The following SMARCC1 variants were observed in gnomAD, a reference collection of about 807,000 sequenced individuals.
SMARCC1 encodes the protein SWI/SNF related BAF chromatin remodeling complex subunit C1.
In SMARCC1, 43 loss-of-function variants were observed where a neutral mutation model predicts 147.4. The ratio of observed to expected loss-of-function variants is 0.29; its 90% confidence interval spans 0.23 to 0.38. The LOEUF is 0.38. SMARCC1 is among the 10% of genes least tolerant of loss of function. The pLI is 1.00. For missense variants in SMARCC1, 1,119 were observed against 1,381.1 expected, an observed-to-expected ratio of 0.81 and a Z score of 3.01; for synonymous variants, 495 against 484.4, an observed-to-expected ratio of 1.02 and a Z score of -0.29.
intron 10 of SMARCC1, among the ~76,000 whole-genome samples, chr3:47,703,575 G>GA (rs2033952741): frequency 6.6e-6 from 1 of 151,988 alleles, no homozygotes; most frequent in African/African-American, 2.4e-5. Flanking sequence ...TATAAGAAAA[G>GA]AAAAACACAC....
intron 1 of SMARCC1, among the ~76,000 whole-genome samples, chr3:47,776,940 A>G (rs753285981): frequency 2.6e-5 from 4 of 151,732 alleles, no homozygotes; most frequent in Non-Finnish European, 5.9e-5. Context: ...ACATCTGGCT[A>G]ATTTTGTATT....
At chr3:47,778,351 C>G (rs1283159637) in intron 1 of SMARCC1, among the ~76,000 whole-genome samples, 1 of 151,570 alleles carries the variant, frequency 6.6e-6, no homozygotes, top group African/African-American at 2.4e-5. Flanking sequence ...CTCTGTTGCC[C>G]AGGCTGGAGT....
At chr3:47,687,444 A>G (rs1295166221) in intron 13 of SMARCC1, among the ~76,000 whole-genome samples, 1 of 152,230 alleles carries the variant, frequency 6.6e-6, no homozygotes, top group Non-Finnish European at 1.5e-5. Flanking sequence ...AGTTTTAATG[A>G]CTTCAATCAG....
intron 6 of SMARCC1, among the ~76,000 whole-genome samples, chr3:47,727,760 C>T (rs2034317501): frequency 6.6e-6 from 1 of 150,552 alleles, no homozygotes; most frequent in African/African-American, 2.4e-5. Flanking sequence ...GGATTACAGA[C>T]ACCTGCCACC....
intron 26 of SMARCC1, among the ~76,000 whole-genome samples, chr3:47,594,421 T>G (rs1450893250): frequency 2.0e-5 from 3 of 152,204 alleles, no homozygotes; most frequent in Non-Finnish European, 4.4e-5. Context: ...ACACTGCGAC[T>G]AGGACCAACT....
chr3:47,690,963 G>A (rs1457849007), intron 12 of SMARCC1, among the ~76,000 whole-genome samples: 15 of 152,150 alleles, frequency 9.9e-5, no homozygotes, highest in Non-Finnish European at 1.5e-5. Flanking sequence ...TGGTCCGTTG[G>A]ACAATGGTAA....
intron 18 of SMARCC1, among the ~76,000 whole-genome samples, chr3:47,672,300 C>T (rs902692290): frequency 4.6e-5 from 7 of 151,940 alleles, no homozygotes; most frequent in Non-Finnish European, 1.0e-4. Flanking sequence ...CCGCAAGCTC[C>T]GCCTCCCGGG....
chr3:47,599,319 G>A (rs772524575), intron 26 of SMARCC1, among the ~76,000 whole-genome samples: 2 of 152,172 alleles, frequency 1.3e-5, no homozygotes, highest in Non-Finnish European at 2.9e-5. Flanking sequence ...GGAGGTAGAG[G>A]TTAGAGTGAG....
intron 3 of SMARCC1, among the ~76,000 whole-genome samples, chr3:47,740,665 C>A (rs970124020): frequency 3.9e-5 from 6 of 151,904 alleles, no homozygotes; most frequent in African/African-American, 1.5e-4. Flanking sequence ...ATCCTGTGCA[C>A]AATGCTGATA....
chr3:47,641,768 A>G (rs1427707250), intron 21 of SMARCC1, among the ~76,000 whole-genome samples: 1 of 152,212 alleles, frequency 6.6e-6, no homozygotes, highest in African/African-American at 2.4e-5. Flanking sequence ...ATCACTTTTT[A>G]AAAATTACTT....
chr3:47,732,729 A>G (rs2034390114), intron 5 of SMARCC1, among the ~76,000 whole-genome samples: 1 of 152,330 alleles, frequency 6.6e-6, no homozygotes, highest in Non-Finnish European at 1.5e-5. Context: ...TAACTTCACC[A>G]TCTTCTATGG....
chr3:47,601,985 C>A (rs1378650295), intron 26 of SMARCC1, among the ~76,000 whole-genome samples: 1 of 152,122 alleles, frequency 6.6e-6, no homozygotes, highest in Non-Finnish European at 1.5e-5. Flanking sequence ...CAGGCATGAG[C>A]CACCATGCCC....
intron 9 of SMARCC1, among the ~76,000 whole-genome samples, chr3:47,708,899 G>A (rs1405232192): frequency 2.0e-5 from 3 of 152,116 alleles, no homozygotes; most frequent in Admixed American, 6.6e-5. Context: ...CTCGGCCTCC[G>A]AAAGTGCTGG....
At position 47,587,528 on chromosome 3, in the gene SMARCC1, TG is replaced by T. The variant is rs2032091286; in HGVS notation, c.*680del. On this transcript the variant is annotated 3_prime_UTR_variant, in exon 28 of 28. Transcript: ENST00000254480. ...TCTAGCACATACTAGTTCAGTGGTA[TG>T]TTCTGCCAGGCAGTGTGGAGGCCCT... 1 of 152,676 alleles carries T rather than the reference TG, an allele frequency of 6.5e-6. No homozygotes were observed. The highest frequency in any genetic ancestry group is 1.5e-5 in the Non-Finnish European group (1 of 68,102). The allele number at this position is 152,676 out of a possible 1,614,324, so 9.5% of individuals were successfully genotyped here. A position where few individuals can be genotyped will look rare whatever the true frequency, so the allele number is the denominator to read the frequency against.
At chr3:47,705,035 G>C (rs936992339) in intron 10 of SMARCC1, among the ~76,000 whole-genome samples, 35 of 149,660 alleles carry the variant, frequency 2.3e-4, no homozygotes, top group African/African-American at 7.3e-4. Context: ...TATATAAAAG[G>C]AATGTATGCC....
intron 2 of SMARCC1, among the ~76,000 whole-genome samples, chr3:47,749,944 T>G (rs2034610788): frequency 6.6e-6 from 1 of 150,456 alleles, no homozygotes; most frequent in Non-Finnish European, 1.5e-5. Context: ...TAGCCGGGCG[T>G]GGTGGCAGGC....
chr3:47,628,022 TA>T (rs1442734663), intron 24 of SMARCC1, among the ~76,000 whole-genome samples: 3 of 152,006 alleles, frequency 2.0e-5, no homozygotes, highest in Non-Finnish European at 4.4e-5. Context: ...GTGCTGGGTC[TA>T]AACATCTTTA....
intron 2 of SMARCC1, among the ~76,000 whole-genome samples, chr3:47,753,320 A>T (rs2034648491): frequency 7.5e-6 from 1 of 133,462 alleles, no homozygotes; most frequent in South Asian, 2.8e-4. Context: ...GCGAGACTCC[A>T]TCTCCAAAAA....
intron 24 of SMARCC1, among the ~76,000 whole-genome samples, chr3:47,628,288 T>C (rs780821951): frequency 2.6e-5 from 4 of 152,210 alleles, no homozygotes; most frequent in African/African-American, 4.8e-5. Context: ...ATCACTGTGC[T>C]GAAAGATTTG....
Sources: allele counts gnomAD v4.1 joint callset (sites outside exome capture counted in the v4.1 genomes callset), GRCh38; gene constraint gnomAD v4.1.1; transcripts MANE v1.5; gene names NCBI Gene and HGNC (gene_info 2026-07-23, HGNC 2026-07-21).